STPG2: variants seen among roughly 807,000 people sequenced by gnomAD.
STPG2 encodes sperm-tail PG-rich repeat-containing protein 2.
A neutral mutation model predicts 54.2 loss-of-function variants in STPG2; 56 were observed. That is an observed-to-expected ratio of 1.03 (90% CI 0.83 to 1.29). The LOEUF is 1.29. Among genes scored for constraint, STPG2 ranks in the 50% most tolerant of loss-of-function variants. The pLI, the probability that STPG2 is intolerant of heterozygous loss-of-function variation, is 0.00. For synonymous variants in STPG2, 200 were observed against 181.8 expected, an observed-to-expected ratio of 1.10 and a Z score of -0.81; for missense variants, 596 against 544.9, an observed-to-expected ratio of 1.09 and a Z score of -0.93.
At chr4:97,637,965 A>C (rs948583386) in intron 10 of STPG2, among the ~76,000 whole-genome samples, 3 of 151,714 alleles carry the variant, frequency 2.0e-5, no homozygotes, top group Admixed American at 1.3e-4. Flanking sequence ...GCTACCAATG[A>C]CTTTCTTCAC....
intron 7 of STPG2, among the ~76,000 whole-genome samples, chr4:97,944,392 A>T (rs1293405813): frequency 6.6e-6 from 1 of 151,874 alleles, no homozygotes; most frequent in Non-Finnish European, 1.5e-5. Flanking sequence ...ACATTTAACC[A>T]TTTAATTTTG....
At chr4:97,444,535 A>T (rs1332896345) in intron 4 of STPG2, among the ~76,000 whole-genome samples, 2 of 152,200 alleles carry the variant, frequency 1.3e-5, no homozygotes, top group Non-Finnish European at 2.9e-5. Context: ...TTCAGCAAAA[A>T]TATCCTTCAA....
chr4:97,841,906 G>C (rs1360098568), intron 8 of STPG2, among the ~76,000 whole-genome samples: 1 of 151,700 alleles, frequency 6.6e-6, no homozygotes, highest in African/African-American at 2.4e-5. Context: ...TTCTATAAAA[G>C]GGTTAAGTGA....
At chr4:97,978,214 C>A (rs757088100) in intron 6 of STPG2, among the ~76,000 whole-genome samples, 7 of 152,092 alleles carry the variant, frequency 4.6e-5, no homozygotes, top group Admixed American at 2.0e-4. Context: ...AAGACACAAG[C>A]ATGTGTATGT....
intron 9 of STPG2, among the ~76,000 whole-genome samples, chr4:97,818,667 A>T (rs1288474996): frequency 6.6e-6 from 1 of 151,852 alleles, no homozygotes. Context: ...CTTTAATTCT[A>T]TTATCCTAAT....
intron 8 of STPG2, among the ~76,000 whole-genome samples, chr4:97,929,016 T>G (rs1439660581): frequency 6.6e-6 from 1 of 152,174 alleles, no homozygotes; most frequent in Non-Finnish European, 1.5e-5. Flanking sequence ...TTATCTTTTC[T>G]ACTCCTATCC....
Position 98,143,205 on chromosome 4 carries a change from A to G in STPG2, c.-55T>C. 1.4e-6 allele frequency: 2 copies of G among 1,400,426 alleles called. No homozygotes were observed. Among genetic ancestry groups the G allele is most frequent in the South Asian group, 2.4e-5 (2 of 83,102 alleles). 86.7% of individuals were successfully genotyped at this position (1,400,426 alleles called of 1,614,324 possible). The stretch of plus-strand genomic sequence containing the variant: ...AGGGCAGGTGCCGAAAACGATAAAA[A>G]CAAGGTAGCTAGAAGTGTGGAGAAA... On this transcript the variant is annotated 5_prime_UTR_variant, in exon 1 of 11. Transcript: ENST00000295268.
chr4:97,766,905 T>A (rs552187250), intron 9 of STPG2, among the ~76,000 whole-genome samples: 19 of 152,148 alleles, frequency 1.2e-4, no homozygotes, highest in African/African-American at 4.1e-4. Context: ...ATTTATTTTT[T>A]CAAGCAGGTA....
At chr4:97,469,828 A>C (rs937351004) in intron 4 of STPG2, among the ~76,000 whole-genome samples, 1 of 152,040 alleles carries the variant, frequency 6.6e-6, no homozygotes. Context: ...TCAAAAAGGC[A>C]AGTGGGAACA....
At chr4:98,080,703 T>G (rs1185122411) in intron 5 of STPG2, among the ~76,000 whole-genome samples, 3 of 152,088 alleles carry the variant, frequency 2.0e-5, no homozygotes, top group Admixed American at 6.5e-5. Context: ...AAAGGTGAAG[T>G]GCCAAGTTCA....
intron 8 of STPG2, among the ~76,000 whole-genome samples, chr4:97,843,651 A>G (rs946655383): frequency 2.6e-5 from 4 of 151,926 alleles, no homozygotes; most frequent in African/African-American, 9.7e-5. Context: ...AACAAATCAA[A>G]AGTAGTTAAG....
intron 9 of STPG2, among the ~76,000 whole-genome samples, chr4:97,771,885 G>C (rs1726230893): frequency 6.6e-6 from 1 of 152,202 alleles, no homozygotes; most frequent in Admixed American, 6.5e-5. Flanking sequence ...GCTTGATCTT[G>C]TGGTGGTCTA....
intron 4 of STPG2, among the ~76,000 whole-genome samples, chr4:97,495,491 G>A (rs1730590290): frequency 2.0e-5 from 3 of 151,016 alleles, no homozygotes; most frequent in South Asian, 2.1e-4. Context: ...TTCTAGTATC[G>A]CATTTAGTGT....
rs189110765 is a variant in STPG2 at position 97,455,104 on chromosome 4, C to T, written c.462+257595G>A. 1.2e-3 allele frequency among the ~76,000 whole-genome samples: 184 copies of T among 152,084 alleles called. 1 individual carries two copies. The highest frequency in any genetic ancestry group is 4.3e-3 in the African/African-American group (177 of 41,478). ...ATCTTATAACCTTCACAAAAAATAGCTCAAAAGAGATCACAGACCTCAGTG... is the reference window on the plus strand; with the variant it reads ...ATCTTATAACCTTCACAAAAAATAGTTCAAAAGAGATCACAGACCTCAGTG... On this transcript the variant is annotated intron_variant, in intron 4 of 4. Coordinates refer to the STPG2 transcript ENST00000522676.
At position 97,943,120 on chromosome 4, in the gene STPG2, T is replaced by C. The variant is rs57189492; in HGVS notation, c.1044+777A>G. 8.9e-4 allele frequency among the ~76,000 whole-genome samples: 136 copies of C among 152,214 alleles called. 1 individual carries two copies. In the East Asian group the frequency reaches 9.3e-3, roughly 10 times the overall value. On this transcript the variant is annotated intron_variant, in intron 8 of 10. Coordinates refer to ENST00000295268, the MANE Select transcript of STPG2 (RefSeq NM_174952.3). ...AGACAGTATCTTCTCTGAGTCCTCA[T>C]GGTAAAAGGGGCAAACGAGCCTGCC...
intron 5 of STPG2, among the ~76,000 whole-genome samples, chr4:98,105,741 C>T (rs548433581): frequency 1.3e-5 from 2 of 151,948 alleles, no homozygotes; most frequent in African/African-American, 4.8e-5. Context: ...TTTAAAAAAC[C>T]AACTTAGGAG....
intron 9 of STPG2, among the ~76,000 whole-genome samples, chr4:97,777,694 A>G (rs929241643): frequency 2.6e-5 from 4 of 152,218 alleles, no homozygotes; most frequent in East Asian, 1.9e-4. Flanking sequence ...GTTCTGTTGC[A>G]TAAAAAGATA....
At chr4:98,007,841 A>G (rs1350495574) in intron 5 of STPG2, among the ~76,000 whole-genome samples, 1 of 152,024 alleles carries the variant, frequency 6.6e-6, no homozygotes, top group Non-Finnish European at 1.5e-5. Context: ...AAACTTCCAT[A>G]ATAGGCTAAA....
intron 5 of STPG2, among the ~76,000 whole-genome samples, chr4:97,992,192 G>A (rs1224872893): frequency 6.6e-6 from 1 of 152,078 alleles, no homozygotes; most frequent in Non-Finnish European, 1.5e-5. Context: ...GTCTAGAAGG[G>A]TTTTTCCAAT....
Sources: allele counts gnomAD v4.1 joint callset (sites outside exome capture counted in the v4.1 genomes callset), GRCh38; gene constraint gnomAD v4.1.1; transcripts MANE v1.5; gene names NCBI Gene and HGNC (gene_info 2026-07-23, HGNC 2026-07-21).